The following GADL1 variants were observed in gnomAD, a reference collection of about 807,000 sequenced individuals.
GADL1 encodes the protein acidic amino acid decarboxylase GADL1.
GADL1 carries 71 observed loss-of-function variants against 69.5 expected under a neutral mutation model. The observed-to-expected ratio is 1.02, with a 90% confidence interval of 0.84 to 1.25. The LOEUF (loss-of-function observed/expected upper bound fraction) is 1.25, where lower values mean the gene tolerates loss of function less well. Ranked by LOEUF, GADL1 falls within the 50% of genes most tolerant of loss-of-function variation. GADL1 has a pLI of 0.00. For synonymous variants in GADL1, 254 were observed against 214.4 expected, an observed-to-expected ratio of 1.18 and a Z score of -1.62; for missense variants, 737 against 631.8, an observed-to-expected ratio of 1.17 and a Z score of -1.79.
chr3:30,815,979 T>C (rs967251147), intron 11 of GADL1, among the ~76,000 whole-genome samples: 5 of 152,178 alleles, frequency 3.3e-5, no homozygotes, highest in Non-Finnish European at 7.3e-5. Flanking sequence ...GTTCCTCGTC[T>C]GTACAGTGGG....
chr3:30,749,642 T>TC (rs1367996583), intron 14 of GADL1, among the ~76,000 whole-genome samples: 4 of 152,174 alleles, frequency 2.6e-5, no homozygotes, highest in African/African-American at 9.7e-5. Flanking sequence ...GTGTTTGTGG[T>TC]CCTTGAAATA....
At position 30,801,099 on chromosome 3, in the gene GADL1, G is replaced by A; in HGVS notation, c.1051-11C>T. On this transcript the variant is annotated splice_polypyrimidine_tract_variant and intron_variant, in intron 11 of 14. Coordinates refer to ENST00000282538, the MANE Select transcript of GADL1 (RefSeq NM_207359.3). ...TTTTTTAAGAAGATCCTTCGAAAAA[G>A]AAAAGATTACAAGACTGTTAAACTT... 2.5e-6 allele frequency: 4 copies of A among 1,575,400 alleles called. No homozygotes were observed. Among genetic ancestry groups the A allele is most frequent in the East Asian group, 2.2e-5 (1 of 44,454 alleles).
At chr3:30,891,152 G>C (rs1698780602) in intron 1 of GADL1, among the ~76,000 whole-genome samples, 1 of 152,060 alleles carries the variant, frequency 6.6e-6, no homozygotes, top group South Asian at 2.1e-4. Flanking sequence ...TGATCTGAGA[G>C]GAACAGAATC....
At chr3:30,782,972 G>C (rs1298779245) in intron 13 of GADL1, among the ~76,000 whole-genome samples, 1 of 152,194 alleles carries the variant, frequency 6.6e-6, no homozygotes, top group Non-Finnish European at 1.5e-5. Flanking sequence ...AAATCACAAT[G>C]TGCTTGATAC....
chr3:30,773,409 C>T (rs1235917391), intron 14 of GADL1, among the ~76,000 whole-genome samples: 1 of 145,006 alleles, frequency 6.9e-6, no homozygotes, highest in Non-Finnish European at 1.5e-5. Context: ...TTAATGTTAT[C>T]TTATTTTCAC....
chr3:30,763,475 C>T (rs910103775), intron 14 of GADL1, among the ~76,000 whole-genome samples: 1 of 120,630 alleles, frequency 8.3e-6, no homozygotes, highest in Non-Finnish European at 1.6e-5. Context: ...TCACTCCAGC[C>T]TGGGCGACAG....
rs562291586 is a variant in GADL1, at chr3:30,728,189, G to A, written c.*53C>T. 4.7e-5 allele frequency: 69 copies of A among 1,481,960 alleles called. No homozygotes were observed. The African/African-American group carries it at 8.6e-4, about 18-fold the overall frequency. The allele number at this position is 1,481,960 out of a possible 1,614,324, so 91.8% of individuals were successfully genotyped here. A position where few individuals can be genotyped will look rare whatever the true frequency, so the allele number is the denominator to read the frequency against. On this transcript the variant is annotated 3_prime_UTR_variant, in exon 15 of 15. Coordinates refer to ENST00000282538, the MANE Select transcript of GADL1 (RefSeq NM_207359.3). ...TACTGTGTATCTCCAAGATGTTCTG[G>A]ATCTAAACTCTCCCAGGATAGGATC...
chr3:30,731,286 T>A (rs554798829), intron 14 of GADL1, among the ~76,000 whole-genome samples: 6 of 152,366 alleles, frequency 3.9e-5, no homozygotes, highest in African/African-American at 1.4e-4. Flanking sequence ...ATTTTAAATG[T>A]AAAACAGGCA....
At position 30,764,514 on chromosome 3, in the gene GADL1, C is replaced by T. The variant is rs528509480; in HGVS notation, c.1392+13665G>A. ...AGTTACATTTTCTTTCCAACTCTTT[C>T]GTACTACTTGGTCCCTTGTTATTTT... is the stretch of plus-strand genomic sequence containing the variant. On this transcript the variant is annotated intron_variant, in intron 14 of 14. Coordinates refer to ENST00000282538, the MANE Select transcript of GADL1 (RefSeq NM_207359.3). Among the ~76,000 whole-genome samples the T allele has an allele frequency of 9.9e-5, 15 of 152,224 alleles. No individual in the cohort carries two copies. The East Asian group carries it at 1.7e-3, about 18-fold the overall frequency.
chr3:30,789,440 T>G (rs1696868054), intron 12 of GADL1, among the ~76,000 whole-genome samples: 1 of 152,210 alleles, frequency 6.6e-6, no homozygotes, highest in South Asian at 2.1e-4. Flanking sequence ...AGCGTAAATC[T>G]GAAGAGTCTT....
At chr3:30,857,171 T>C (rs781284647) in intron 2 of GADL1, 30 bp from the exon 3 acceptor site, 1 of 1,546,060 alleles carries the variant, frequency 6.5e-7, no homozygotes, top group South Asian at 1.2e-5. Context: ...ACAAATTGAG[T>C]ATCCACCATA....
chr3:30,754,163 T>TG (rs1695907304), intron 14 of GADL1, among the ~76,000 whole-genome samples: 1 of 152,222 alleles, frequency 6.6e-6, no homozygotes, highest in African/African-American at 2.4e-5. Context: ...GACAAGGTTG[T>TG]GGATTGGCTT....
chr3:30,827,867 G>A (rs779997294), intron 11 of GADL1, among the ~76,000 whole-genome samples: 64 of 151,982 alleles, frequency 4.2e-4, no homozygotes, highest in South Asian at 8.3e-4. Context: ...TTGGCAGCAC[G>A]AAGCACAAGA....
rs1222203127 is a variant in GADL1, at chr3:30,728,084, A to G, written c.*158T>C. Reference sequence around the variant, plus strand: ...ATGCCCAGGCAGCTAGAGAGTCCTTAATATTCATTGCTTAGCATTTTGGTT... The same window carrying G: ...ATGCCCAGGCAGCTAGAGAGTCCTTGATATTCATTGCTTAGCATTTTGGTT... On this transcript the variant is annotated 3_prime_UTR_variant, in exon 15 of 15. Coordinates refer to ENST00000282538, the MANE Select transcript of GADL1 (RefSeq NM_207359.3). 1 of 611,830 alleles carries G rather than the reference A, an allele frequency of 1.6e-6. No homozygotes were observed. Among genetic ancestry groups the G allele is most frequent in the African/African-American group, 1.8e-5 (1 of 54,696 alleles). The allele number at this position is 611,830 out of a possible 1,614,324, so 37.9% of individuals were successfully genotyped here.
At chr3:30,757,027 C>A (rs900121848) in intron 14 of GADL1, among the ~76,000 whole-genome samples, 4 of 152,142 alleles carry the variant, frequency 2.6e-5, no homozygotes, top group Non-Finnish European at 5.9e-5. Flanking sequence ...TTCAGCATTA[C>A]CCCTCAGCTT....
rs373900468 is a variant in GADL1 at position 30,856,992 on chromosome 3, A to C, written c.337+23T>G. The C allele has an allele frequency of 9.2e-5, 141 of 1,540,402 alleles. No individual in the cohort carries two copies. In the African/African-American group the frequency reaches 1.7e-3, roughly 18 times the overall value. ...AAGAACTTGTCAGAGGTACAGATCA[A>C]GGAAGTAAATTAAAGTTCTTACTAG... On this transcript the variant is annotated intron_variant, in intron 3 of 14. Transcript: ENST00000282538.
chr3:30,790,126 G>A (rs1696882830), intron 12 of GADL1, among the ~76,000 whole-genome samples: 1 of 152,084 alleles, frequency 6.6e-6, no homozygotes, highest in South Asian at 2.1e-4. Flanking sequence ...ACAGACATGT[G>A]ACTCTTCCTT....
intron 13 of GADL1, among the ~76,000 whole-genome samples, chr3:30,781,720 G>A (rs1165928764): frequency 6.6e-6 from 1 of 152,174 alleles, no homozygotes; most frequent in Non-Finnish European, 1.5e-5. Context: ...ACTATAAAAT[G>A]TAGATGATGT....
intron 1 of GADL1, among the ~76,000 whole-genome samples, chr3:30,893,646 AAG>A (rs1206665068): frequency 1.3e-5 from 2 of 152,316 alleles, no homozygotes; most frequent in African/African-American, 4.8e-5. Context: ...GTTTTTTTAA[AAG>A]AGCGTCAGGA....
Sources: allele counts gnomAD v4.1 joint callset (sites outside exome capture counted in the v4.1 genomes callset), GRCh38; gene constraint gnomAD v4.1.1; transcripts MANE v1.5; gene names NCBI Gene and HGNC (gene_info 2026-07-23, HGNC 2026-07-21).